The following CSTPP1 variants were observed in gnomAD, a reference collection of about 807,000 sequenced individuals.
CSTPP1 encodes the protein centriolar satellite-associated tubulin polyglutamylase complex regulator 1.
chr11:46,990,210 C>A, the CSTPP1 span, among the ~76,000 whole-genome samples: 7 of 152,222 alleles, frequency 4.6e-5, no homozygotes, highest in African/African-American at 1.7e-4. Flanking sequence ...TGAGAAATCT[C>A]CAAACTCATT....
the CSTPP1 span, among the ~76,000 whole-genome samples, chr11:46,939,547 T>A: frequency 6.6e-6 from 1 of 152,030 alleles, no homozygotes; most frequent in Admixed American, 6.6e-5. Flanking sequence ...CCCAATACTT[T>A]GGGAGGCTGA....
At chr11:47,022,593 C>T in the CSTPP1 span, among the ~76,000 whole-genome samples, 1 of 151,996 alleles carries the variant, frequency 6.6e-6, no homozygotes, top group Non-Finnish European at 1.5e-5. Flanking sequence ...TGGTCTCAAA[C>T]TCCTGACCTC....
At chr11:46,995,604 T>C in the CSTPP1 span, among the ~76,000 whole-genome samples, 1 of 152,252 alleles carries the variant, frequency 6.6e-6, no homozygotes, top group Non-Finnish European at 1.5e-5. Context: ...AGTTTCTTCA[T>C]GCTGAGTTCT....
the CSTPP1 span, among the ~76,000 whole-genome samples, chr11:47,070,323 G>A: frequency 6.6e-6 from 1 of 151,952 alleles, no homozygotes; most frequent in Admixed American, 6.6e-5. Context: ...AAATAATGTT[G>A]AAAATTTAAT....
At chr11:47,004,899 A>T in the CSTPP1 span, among the ~76,000 whole-genome samples, 2 of 152,186 alleles carry the variant, frequency 1.3e-5, no homozygotes, top group South Asian at 2.1e-4. Flanking sequence ...CCAGCCTCTG[A>T]ACAGTTGGAA....
chr11:47,029,356 C>G, the CSTPP1 span, among the ~76,000 whole-genome samples: 2 of 152,002 alleles, frequency 1.3e-5, no homozygotes, highest in African/African-American at 2.4e-5. Context: ...CCTGTAATCC[C>G]AGCACTTTGG....
At chr11:47,097,050 TGGG>T in the CSTPP1 span, among the ~76,000 whole-genome samples, 1 of 144,236 alleles carries the variant, frequency 6.9e-6, no homozygotes, top group South Asian at 2.2e-4. Context: ...GGGAGGGAGA[TGGG>T]GGGTCAGCCC....
At chr11:47,073,514 T>C in the CSTPP1 span, among the ~76,000 whole-genome samples, 2 of 152,054 alleles carry the variant, frequency 1.3e-5, no homozygotes, top group Admixed American at 6.6e-5. Flanking sequence ...AGCAACATAG[T>C]GAGACCCTGT....
chr11:46,939,047 G>A, the CSTPP1 span, among the ~76,000 whole-genome samples: 1 of 142,654 alleles, frequency 7.0e-6, no homozygotes, highest in Non-Finnish European at 1.5e-5. Flanking sequence ...AAAGTACTGA[G>A]ATTACAGGTG....
chr11:47,029,935 T>TG, the CSTPP1 span, among the ~76,000 whole-genome samples: 14 of 141,162 alleles, frequency 9.9e-5, no homozygotes, highest in Admixed American at 2.9e-4. Flanking sequence ...TCGTCTCTAC[T>TG]GGAAAAAAAA....
the CSTPP1 span, among the ~76,000 whole-genome samples, chr11:47,148,749 C>G: frequency 6.6e-6 from 1 of 152,200 alleles, no homozygotes; most frequent in South Asian, 2.1e-4. Flanking sequence ...ATAACATCAT[C>G]ATGCTGACTC....
the CSTPP1 span, among the ~76,000 whole-genome samples, chr11:47,029,615 C>CAAA: frequency 1.5e-5 from 2 of 129,646 alleles, no homozygotes; most frequent in Admixed American, 7.9e-5. Context: ...GACTCTATCT[C>CAAA]AAAAAAAAAA....
At chr11:47,113,145 C>T in the CSTPP1 span, among the ~76,000 whole-genome samples, 1 of 152,228 alleles carries the variant, frequency 6.6e-6, no homozygotes, top group Non-Finnish European at 1.5e-5. Context: ...CTAGCTTCAT[C>T]TATGTCCCTG....
the CSTPP1 span, among the ~76,000 whole-genome samples, chr11:47,072,688 C>T: frequency 2.0e-5 from 3 of 150,936 alleles, no homozygotes; most frequent in African/African-American, 4.9e-5. Context: ...TATATATATA[C>T]ACACACACAT....
At chr11:46,977,181 G>C in the CSTPP1 span, among the ~76,000 whole-genome samples, 1 of 152,224 alleles carries the variant, frequency 6.6e-6, no homozygotes, top group Non-Finnish European at 1.5e-5. Context: ...AATGTTATCA[G>C]TGCTGGGGCC....
chr11:47,038,822 A>G, the CSTPP1 span, among the ~76,000 whole-genome samples: 3 of 112,840 alleles, frequency 2.7e-5, no homozygotes, highest in Non-Finnish European at 6.3e-5. Flanking sequence ...CTCACTTCTC[A>G]GACGGGGCGG....
the CSTPP1 span, among the ~76,000 whole-genome samples, chr11:47,091,507 T>C: frequency 1.3e-5 from 2 of 152,360 alleles, no homozygotes; most frequent in African/African-American, 2.4e-5. Flanking sequence ...AGGCATGCCC[T>C]TTCTGAGAAG....
At chr11:47,001,511 T>A in the CSTPP1 span, among the ~76,000 whole-genome samples, 5 of 152,268 alleles carry the variant, frequency 3.3e-5, no homozygotes, top group South Asian at 1.0e-3. Context: ...CATACCCGTT[T>A]TTTTTTTCTT....
the CSTPP1 span, among the ~76,000 whole-genome samples, chr11:47,125,338 G>A: frequency 6.6e-6 from 1 of 152,086 alleles, no homozygotes; most frequent in African/African-American, 2.4e-5. Context: ...ACAGGCTGTG[G>A]TCTTCATAAG....
Sources: allele counts gnomAD v4.1 joint callset (sites outside exome capture counted in the v4.1 genomes callset), GRCh38; gene constraint gnomAD v4.1.1; transcripts MANE v1.5; gene names NCBI Gene and HGNC (gene_info 2026-07-23, HGNC 2026-07-21).